The following WWTR1 variants were observed in gnomAD, a reference collection of about 807,000 sequenced individuals.
WWTR1 encodes the protein WW domain containing transcription regulator 1, also known as WW domain-containing transcription regulator protein 1.
A neutral mutation model predicts 40.1 loss-of-function variants in WWTR1; 13 were observed. The observed-to-expected ratio is 0.32, with a 90% confidence interval of 0.21 to 0.52. The LOEUF (loss-of-function observed/expected upper bound fraction) is 0.52, where lower values mean the gene tolerates loss of function less well. Ranked by LOEUF, WWTR1 falls within the 20% of genes least tolerant of loss-of-function variation. The pLI is 0.97. For missense variants in WWTR1, 436 were observed against 523.1 expected, an observed-to-expected ratio of 0.83 and a Z score of 1.63; for synonymous variants, 230 against 210.1, an observed-to-expected ratio of 1.09 and a Z score of -0.82.
In WWTR1 at chr3:149,517,393, G is replaced by A. The variant is rs528705740; in HGVS notation, c.*3412C>T. On this transcript the variant is annotated 3_prime_UTR_variant, in exon 7 of 7. Transcript: ENST00000360632. Reference sequence around the variant, plus strand: ...AATAGAAATTTTTATATTACAAAACGTAGAAGTAAAATTTTAAAAAGTTAA... The same window carrying A: ...AATAGAAATTTTTATATTACAAAACATAGAAGTAAAATTTTAAAAAGTTAA... 3.9e-5 allele frequency: 6 copies of A among 152,248 alleles called. No individual in the cohort carries two copies. The highest frequency in any genetic ancestry group is 2.1e-4 in the South Asian group (1 of 4,824). The allele number at this position is 152,248 out of a possible 1,614,324, so 9.4% of individuals were successfully genotyped here.
intron 2 of WWTR1, among the ~76,000 whole-genome samples, chr3:149,614,725 G>T (rs111277232): frequency 3.3e-4 from 50 of 152,322 alleles, no homozygotes; most frequent in African/African-American, 1.2e-3. Flanking sequence ...GCTCACGCCT[G>T]TAATCCCAGT....
At chr3:149,712,492 A>G (rs1715498629) in intron 5 of WWTR1, among the ~76,000 whole-genome samples, 1 of 152,176 alleles carries the variant, frequency 6.6e-6, no homozygotes, top group Non-Finnish European at 1.5e-5. Context: ...CTTCTTAGAC[A>G]ATTCCTGTGT....
chr3:149,684,659 G>A (rs1227803209), intron 1 of WWTR1, among the ~76,000 whole-genome samples: 2 of 151,960 alleles, frequency 1.3e-5, no homozygotes, highest in Non-Finnish European at 2.9e-5. Context: ...AACCTCCTGG[G>A]GTCAAGAAAT....
chr3:149,687,236 C>A (rs769614885), intron 1 of WWTR1, among the ~76,000 whole-genome samples: 3 of 152,190 alleles, frequency 2.0e-5, no homozygotes, highest in Non-Finnish European at 1.5e-5. Flanking sequence ...GCCCCGCGTG[C>A]TTATCTGTAA....
At chr3:149,542,214 G>A in intron 4 of WWTR1, 121 bp downstream of exon 4, 2 of 1,169,162 alleles carry the variant, frequency 1.7e-6, no homozygotes, top group Non-Finnish European at 2.4e-6. Flanking sequence ...TTGGAGTAGG[G>A]CTTTGAGCCC....
At chr3:149,685,776 C>T (rs13064993) in intron 1 of WWTR1, among the ~76,000 whole-genome samples, 13,898 of 152,130 alleles carry the variant, frequency 0.091, 795 homozygotes, top group African/African-American at 0.16. Flanking sequence ...ACATCATTAG[C>T]AGAGTAGACG....
Position 149,598,399 on chromosome 3 carries a change from G to T in WWTR1, c.432-25399C>A, listed in dbSNP as rs570799085. 1.1e-4 allele frequency among the ~76,000 whole-genome samples: 17 copies of T among 152,286 alleles called. No homozygotes were observed. In the East Asian group the frequency reaches 3.3e-3, roughly 29 times the overall value. On this transcript the variant is annotated intron_variant, in intron 2 of 6. Transcript: ENST00000360632. ...CCATCTTATAAATGAGGAAACTGAG[G>T]CTCAAAAGTTTAAAAGACTTGCCTG...
chr3:149,696,008 G>C (rs542566645), intron 1 of WWTR1, among the ~76,000 whole-genome samples: 5 of 148,520 alleles, frequency 3.4e-5, no homozygotes, highest in Non-Finnish European at 7.4e-5. Context: ...AGCTACTCGG[G>C]AGGCTGAGGC....
chr3:149,630,150 T>A (rs1333517851), intron 2 of WWTR1, among the ~76,000 whole-genome samples: 1 of 152,204 alleles, frequency 6.6e-6, no homozygotes, highest in African/African-American at 2.4e-5. Flanking sequence ...CGGGCTAACT[T>A]CAAGGATATT....
At chr3:149,711,487 G>T (rs1348165939) in intron 5 of WWTR1, among the ~76,000 whole-genome samples, 1 of 152,134 alleles carries the variant, frequency 6.6e-6, no homozygotes, top group East Asian at 1.9e-4. Flanking sequence ...GGGTACTAGA[G>T]CTTACTTTAT....
chr3:149,535,234 G>GAAA (rs58285728), intron 4 of WWTR1, among the ~76,000 whole-genome samples: 2 of 143,086 alleles, frequency 1.4e-5, no homozygotes, highest in African/African-American at 2.6e-5. Flanking sequence ...GAAAGAAAAT[G>GAAA]AAAAAAAAAA....
chr3:149,581,833 C>G (rs962076536), intron 2 of WWTR1, among the ~76,000 whole-genome samples: 10 of 152,162 alleles, frequency 6.6e-5, no homozygotes, highest in Middle Eastern at 6.3e-3. Flanking sequence ...TGATCCATCT[C>G]CCTCACGTCC....
Position 149,644,689 on chromosome 3 carries a change from T to G in WWTR1, c.431+12187A>C, listed in dbSNP as rs115692892. Among the ~76,000 whole-genome samples the G allele has an allele frequency of 2.8e-3, 427 of 152,300 alleles. 2 individuals are homozygous for G. Among genetic ancestry groups the G allele is most frequent in the African/African-American group, 9.6e-3 (397 of 41,566 alleles). On this transcript the variant is annotated intron_variant, in intron 2 of 6. Transcript: ENST00000360632. ...AATGCAAAAACAAACTAATGCTGTT[T>G]TTATCAGTCAAGTCATATATACATA...
At chr3:149,590,179 T>C (rs1738626852) in intron 2 of WWTR1, among the ~76,000 whole-genome samples, 1 of 152,116 alleles carries the variant, frequency 6.6e-6, no homozygotes, top group Non-Finnish European at 1.5e-5. Flanking sequence ...ATGACAATCA[T>C]GGTAATAATG....
chr3:149,656,142 T>C (rs919195192), intron 2 of WWTR1, among the ~76,000 whole-genome samples: 2 of 152,130 alleles, frequency 1.3e-5, no homozygotes, highest in African/African-American at 4.8e-5. Flanking sequence ...AATTTGAAAA[T>C]TTCAACTAAT....
intron 1 of WWTR1, among the ~76,000 whole-genome samples, chr3:149,692,118 C>G (rs1714845506): frequency 6.6e-6 from 1 of 150,480 alleles, no homozygotes; most frequent in Admixed American, 6.6e-5. Flanking sequence ...TCTATGAAGT[C>G]AGTATTACCC....
intron 2 of WWTR1, among the ~76,000 whole-genome samples, chr3:149,589,056 T>A (rs1738577356): frequency 6.6e-6 from 1 of 152,158 alleles, no homozygotes; most frequent in Admixed American, 6.5e-5. Context: ...AGCGGGAGAA[T>A]CTAAACGAGG....
At chr3:149,637,335 C>T (rs1052995901) in intron 2 of WWTR1, among the ~76,000 whole-genome samples, 1 of 151,824 alleles carries the variant, frequency 6.6e-6, no homozygotes, top group African/African-American at 2.4e-5. Context: ...AAGCAATTCT[C>T]CTGCCTCAGC....
intron 5 of WWTR1, 136 bp downstream of exon 5, chr3:149,527,700 C>T (rs1735385604): frequency 2.3e-6 from 3 of 1,277,790 alleles, no homozygotes; most frequent in Non-Finnish European, 3.2e-6. Flanking sequence ...CTGCCAGCTC[C>T]TCCCACTTCC....
Sources: allele counts gnomAD v4.1 joint callset (sites outside exome capture counted in the v4.1 genomes callset), GRCh38; gene constraint gnomAD v4.1.1; transcripts MANE v1.5; gene names NCBI Gene and HGNC (gene_info 2026-07-23, HGNC 2026-07-21).